ADAM22: variants seen among roughly 807,000 people sequenced by gnomAD.
ADAM22 encodes the protein ADAM metallopeptidase domain 22, also known as disintegrin and metalloproteinase domain-containing protein 22.
Under a neutral mutation model 144.6 loss-of-function variants are expected in ADAM22, and 65 were observed. The observed-to-expected ratio is 0.45, with a 90% CI of 0.37 to 0.55. The LOEUF (loss-of-function observed/expected upper bound fraction) is 0.55. ADAM22 is among the 20% of genes least tolerant of loss of function. ADAM22 has a pLI of 0.00. For synonymous variants in ADAM22, 391 were observed against 412.6 expected, an observed-to-expected ratio of 0.95 and a Z score of 0.63; for missense variants, 974 against 1,184.9, an observed-to-expected ratio of 0.82 and a Z score of 2.61.
chr7:88,122,268 G>C (rs960514461), intron 7 of ADAM22, among the ~76,000 whole-genome samples: 7 of 152,334 alleles, frequency 4.6e-5, no homozygotes, highest in African/African-American at 1.7e-4. Flanking sequence ...TGTAATGAAA[G>C]CCAGTAAGGA....
At chr7:88,010,423 G>A (rs897835048) in intron 3 of ADAM22, among the ~76,000 whole-genome samples, 1 of 152,098 alleles carries the variant, frequency 6.6e-6, no homozygotes, top group Non-Finnish European at 1.5e-5. Context: ...TAGCCTAAAG[G>A]TCGCCTGGAT....
chr7:88,181,456 A>C (rs1317576528), intron 27 of ADAM22, 49 bp from the exon 28 acceptor site: 2 of 1,523,884 alleles, frequency 1.3e-6, no homozygotes, highest in Admixed American at 3.4e-5. Flanking sequence ...ATCTCAAAAC[A>C]TTCATTTGGT....
At chr7:88,162,004 A>G (rs1408101526) in intron 22 of ADAM22, among the ~76,000 whole-genome samples, 2 of 151,876 alleles carry the variant, frequency 1.3e-5, no homozygotes, top group Admixed American at 1.3e-4. Context: ...ACACAGGCAC[A>G]CGTATGTTCA....
At chr7:88,113,327 G>A (rs12540117) in intron 5 of ADAM22, among the ~76,000 whole-genome samples, 70,787 of 150,948 alleles carry the variant, frequency 0.47, 18,260 homozygotes, top group East Asian at 0.9. Context: ...AATTTGACCA[G>A]TTCTCACCAC....
At chr7:88,012,713 A>C (rs552632826) in intron 3 of ADAM22, among the ~76,000 whole-genome samples, 8 of 152,270 alleles carry the variant, frequency 5.3e-5, no homozygotes, top group African/African-American at 1.9e-4. Flanking sequence ...CAAGTGTTCT[A>C]TAATTTAATG....
At chr7:88,183,020 T>C (rs1187893005) in intron 29 of ADAM22, among the ~76,000 whole-genome samples, 2 of 152,184 alleles carry the variant, frequency 1.3e-5, no homozygotes, top group African/African-American at 4.8e-5. Context: ...CCTTTTTCAG[T>C]CCAGGAATAA....
rs1255288249 is a variant in ADAM22, at chr7:87,997,062, T to C, written c.323+18650T>C. 3.3e-5 allele frequency among the ~76,000 whole-genome samples: 5 copies of C among 152,368 alleles called. No individual in the cohort carries two copies. The East Asian group carries it at 9.6e-4, about 29-fold the overall frequency. ...ACCTGTCTTGAAGGAACTGTTTAAC[T>C]CTGAAAACTTTAGGACTGAAAGGGA... On this transcript the variant is annotated intron_variant, in intron 3 of 31. Transcript: ENST00000413139.
chr7:88,119,839 G>T (rs144144616), intron 7 of ADAM22, among the ~76,000 whole-genome samples: 3 of 152,114 alleles, frequency 2.0e-5, no homozygotes, highest in African/African-American at 7.2e-5. Flanking sequence ...GGTTGTTTCC[G>T]GTTTTTGACT....
chr7:87,958,196 G>C (rs1203503603), intron 2 of ADAM22, among the ~76,000 whole-genome samples: 3 of 151,978 alleles, frequency 2.0e-5, no homozygotes. Flanking sequence ...AGTTTCTATG[G>C]AGTATATATT....
chr7:88,149,316 G>A (rs1837631800), intron 18 of ADAM22, among the ~76,000 whole-genome samples: 1 of 152,112 alleles, frequency 6.6e-6, no homozygotes, highest in Non-Finnish European at 1.5e-5. Context: ...GGTAGTACAA[G>A]GCATTTTCTT....
chr7:88,068,876 A>C (rs1279034979), intron 3 of ADAM22, among the ~76,000 whole-genome samples: 2 of 152,168 alleles, frequency 1.3e-5, no homozygotes, highest in Non-Finnish European at 2.9e-5. Flanking sequence ...TACATGCATG[A>C]AAATGGAATC....
intron 26 of ADAM22, among the ~76,000 whole-genome samples, chr7:88,178,691 T>A (rs1846274762): frequency 6.6e-6 from 1 of 152,132 alleles, no homozygotes; most frequent in East Asian, 1.9e-4. Flanking sequence ...TATTTTCATA[T>A]TTTTCCCCAA....
chr7:88,168,424 ACTTC>A (rs753963762), intron 25 of ADAM22, 197 bp downstream of exon 25: 6 of 628,346 alleles, frequency 9.5e-6, no homozygotes, highest in Middle Eastern at 2.5e-4. Flanking sequence ...TTTTGAGACA[ACTTC>A]CTTCTATTGT....
At chr7:88,028,225 G>A (rs1348699821) in intron 3 of ADAM22, among the ~76,000 whole-genome samples, 2 of 151,968 alleles carry the variant, frequency 1.3e-5, no homozygotes, top group African/African-American at 2.4e-5. Flanking sequence ...CCTTCTTTAC[G>A]TCTTCATTGA....
chr7:88,034,024 TTGG>T (rs1800914466), intron 3 of ADAM22, among the ~76,000 whole-genome samples: 1 of 152,114 alleles, frequency 6.6e-6, no homozygotes, highest in African/African-American at 2.4e-5. Context: ...AAGAACCTGC[TTGG>T]TGCTCCACCC....
At position 87,980,870 on chromosome 7, in the gene ADAM22, C is replaced by G. The variant is rs1347396321; in HGVS notation, c.323+2458C>G. Among the ~76,000 whole-genome samples the G allele has an allele frequency of 2.6e-5, 4 of 152,204 alleles. No homozygotes were observed. The East Asian group carries it at 7.7e-4, about 29-fold the overall frequency. On this transcript the variant is annotated intron_variant, in intron 3 of 31. Transcript: ENST00000413139. ...AGTTGTGAAATTTCACTCTTTAGGA[C>G]AGATGTATTAACAAAATGAAACATA...
intron 2 of ADAM22, among the ~76,000 whole-genome samples, chr7:87,938,480 A>G (rs1349133462): frequency 6.6e-6 from 1 of 151,626 alleles, no homozygotes; most frequent in Non-Finnish European, 1.5e-5. Flanking sequence ...CGGCCACCCA[A>G]AGTGCTGGGA....
At chr7:88,137,663 C>A (rs918320450) in intron 14 of ADAM22, among the ~76,000 whole-genome samples, 8 of 152,090 alleles carry the variant, frequency 5.3e-5, no homozygotes, top group African/African-American at 7.2e-5. Flanking sequence ...ACTTATGCTT[C>A]CTTTCACAAA....
At chr7:88,146,415 T>C (rs531809155) in intron 17 of ADAM22, among the ~76,000 whole-genome samples, 1 of 152,358 alleles carries the variant, frequency 6.6e-6, no homozygotes, top group East Asian at 1.9e-4. Context: ...AGGACTTTTG[T>C]ATCATCTTAT....
Sources: gnomAD v4.1 joint callset for allele counts (sites outside exome capture counted in the v4.1 genomes callset) on GRCh38, gnomAD v4.1.1 for gene constraint, MANE v1.5 for transcripts, NCBI Gene and HGNC (gene_info 2026-07-23, HGNC 2026-07-21) for gene names.